PYCR3: variants seen among roughly 807,000 people sequenced by gnomAD.
The protein encoded by PYCR3 is pyrroline-5-carboxylate reductase 3.
Under a neutral mutation model 23.4 loss-of-function variants are expected in PYCR3, and 26 were observed. That is an observed-to-expected ratio of 1.11 (90% CI 0.81 to 1.54). The LOEUF (loss-of-function observed/expected upper bound fraction) is 1.54. Among genes scored for constraint, PYCR3 ranks in the 40% most tolerant of loss-of-function variants. The pLI is 0.00. For synonymous variants in PYCR3, 194 were observed against 162.6 expected (o/e 1.19, Z -1.47); for missense variants, 360 against 376.3 (o/e 0.96, Z 0.36).
At position 143,605,667 on chromosome 8, in the gene PYCR3, C is replaced by A; in HGVS notation, c.*33G>T. ...GAAGGGACACAGGGAGAGGCAGGGG[C>A]ACAGAGGCAGGAAAGGATGGCCAGA... On this transcript the variant is annotated 3_prime_UTR_variant, in exon 6 of 6. Transcript: ENST00000495276. 1 of 1,564,904 alleles carries A rather than the reference C, an allele frequency of 6.4e-7. No homozygotes were observed. The highest frequency in any genetic ancestry group is 8.7e-7 in the Non-Finnish European group (1 of 1,148,674).
At position 143,605,493 on chromosome 8, in the gene PYCR3, T is replaced by C; in HGVS notation, c.*207A>G. 2 of 573,868 alleles carry C rather than the reference T, an allele frequency of 3.5e-6. No individual in the cohort carries two copies. Among genetic ancestry groups the C allele is most frequent in the Non-Finnish European group, 6.2e-6 (2 of 322,766 alleles). 35.5% of individuals were successfully genotyped at this position (573,868 alleles called of 1,614,324 possible). A position where few individuals can be genotyped will look rare whatever the true frequency, so the allele number is the denominator to read the frequency against. On this transcript the variant is annotated 3_prime_UTR_variant, in exon 6 of 6. Coordinates refer to ENST00000495276, the MANE Select transcript of PYCR3 (RefSeq NM_023078.6). ...GAGCCACCACCACGGTGCCTTCTGC[T>C]CACTGGGGAGGGAGGAGTGTCCCCA...
In PYCR3 at chr8:143,604,855, G is replaced by C. The variant is rs890682297; in HGVS notation, c.*845C>G. ...GTGCCAGAGCTACGGGGTATTCCAG[G>C]ACCCCTGACCTAGGCACGGGGCAGG... is the stretch of plus-strand genomic sequence containing the variant. On this transcript the variant is annotated 3_prime_UTR_variant, in exon 6 of 6. Coordinates refer to ENST00000495276, the MANE Select transcript of PYCR3 (RefSeq NM_023078.6). 6.3e-6 allele frequency: 3 copies of C among 474,398 alleles called. No individual in the cohort carries two copies. The highest frequency in any genetic ancestry group is 5.9e-5 in the African/African-American group (3 of 50,930). The allele number at this position is 474,398 out of a possible 1,614,324, so 29.4% of individuals were successfully genotyped here.
rs1007430849 is a variant in PYCR3 at position 143,605,595 on chromosome 8, C to A, written c.*105G>T. On this transcript the variant is annotated 3_prime_UTR_variant, in exon 6 of 6. Coordinates refer to ENST00000495276, the MANE Select transcript of PYCR3 (RefSeq NM_023078.6). ...TTTCCCTGTGCAAGGGGAGAAGGAG[C>A]AGTAGGAGACCCTCATGCAGGAGGG... The A allele has an allele frequency of 5.8e-6, 6 of 1,035,416 alleles. No homozygotes were observed. Among genetic ancestry groups the A allele is most frequent in the Non-Finnish European group, 6.9e-6 (5 of 721,518 alleles). 64.1% of individuals were successfully genotyped at this position (1,035,416 alleles called of 1,614,324 possible). A position where few individuals can be genotyped will look rare whatever the true frequency, so the allele number is the denominator to read the frequency against.
intron 2 of PYCR3, among the ~76,000 whole-genome samples, chr8:143,607,354 C>G (rs1237959248): frequency 6.6e-6 from 1 of 152,178 alleles, no homozygotes; most frequent in Non-Finnish European, 1.5e-5. Flanking sequence ...AGCCCTGAGC[C>G]CTCCATCCCC....
chr8:143,609,453 C>T lies in PYCR3; in HGVS notation c.91+5G>A, dbSNP rs1283056815. On this transcript the variant is annotated splice_donor_5th_base_variant and intron_variant, in intron 1 of 5. Coordinates refer to ENST00000495276, the MANE Select transcript of PYCR3 (RefSeq NM_023078.6). Reference sequence around the variant, plus strand: ...GACCGCAGGCCTAGCCCCGCGCCGCCCCACCTGCTCTGATGAGGCCCTGCG... The same window carrying T: ...GACCGCAGGCCTAGCCCCGCGCCGCTCCACCTGCTCTGATGAGGCCCTGCG... 6.7e-7 allele frequency: 1 copy of T among 1,498,518 alleles called. No homozygotes were observed. The highest frequency in any genetic ancestry group is 2.7e-5 in the East Asian group (1 of 36,372). The allele number at this position is 1,498,518 out of a possible 1,614,324, so 92.8% of individuals were successfully genotyped here.
chr8:143,608,055 T>G lies in PYCR3; in HGVS notation c.156+7A>C, dbSNP rs761255293. On this transcript the variant is annotated splice_region_variant and intron_variant, in intron 2 of 5. Coordinates refer to ENST00000495276, the MANE Select transcript of PYCR3 (RefSeq NM_023078.6). ...GAGGGTATGAAGAACCTGGGCTCTA[T>G]GCTCACTTGAAAGTGACATAGGTTC... is the stretch of plus-strand genomic sequence containing the variant. 1 of 1,610,126 alleles carries G rather than the reference T, an allele frequency of 6.2e-7. No homozygotes were observed.
At chr8:143,609,396 A>G in intron 1 of PYCR3, 62 bp downstream of exon 1, 1 of 1,406,776 alleles carries the variant, frequency 7.1e-7, no homozygotes, top group Non-Finnish European at 9.2e-7. Context: ...CTCTCGCGGC[A>G]GGACACCTCC....
chr8:143,604,511 G>A lies in PYCR3; in HGVS notation c.*1189C>T, dbSNP rs546022699. On this transcript the variant is annotated 3_prime_UTR_variant, in exon 6 of 6. Coordinates refer to ENST00000495276, the MANE Select transcript of PYCR3 (RefSeq NM_023078.6). The stretch of plus-strand genomic sequence containing the variant: ...CACTGGTGGATTGATCTGCTCAGGC[G>A]CACAGGGAGATGGCACAGCAGGACC... 1.8e-5 allele frequency: 5 copies of A among 283,556 alleles called. No homozygotes were observed. The highest frequency in any genetic ancestry group is 1.2e-4 in the East Asian group (1 of 8,122). 17.6% of individuals were successfully genotyped at this position (283,556 alleles called of 1,614,324 possible).
At chr8:143,605,960 C>T (rs1375129662) in intron 5 of PYCR3, 78 bp from the exon 6 acceptor site, 7 of 1,561,990 alleles carry the variant, frequency 4.5e-6, no homozygotes, top group Non-Finnish European at 6.1e-6. Context: ...GTTGCATCCC[C>T]CAACCTTGGC....
At chr8:143,607,539 T>C (rs1278485146) in intron 2 of PYCR3, among the ~76,000 whole-genome samples, 1 of 151,590 alleles carries the variant, frequency 6.6e-6, no homozygotes, top group Admixed American at 6.6e-5. Flanking sequence ...CACTCGAGCA[T>C]GCACTCATGT....
chr8:143,605,371 C>T lies in PYCR3; in HGVS notation c.*329G>A. 4.9e-6 allele frequency: 2 copies of T among 407,570 alleles called. No individual in the cohort carries two copies. The highest frequency in any genetic ancestry group is 9.0e-6 in the Non-Finnish European group (2 of 223,124). The allele number at this position is 407,570 out of a possible 1,614,324, so 25.2% of individuals were successfully genotyped here. ...CGTAAGTTCTGTTCATGGCCTCAACCAACTGCCCAACCATGCGGGCAAATG... is the reference window on the plus strand; with the variant it reads ...CGTAAGTTCTGTTCATGGCCTCAACTAACTGCCCAACCATGCGGGCAAATG... On this transcript the variant is annotated 3_prime_UTR_variant, in exon 6 of 6. Coordinates refer to ENST00000495276, the MANE Select transcript of PYCR3 (RefSeq NM_023078.6).
chr8:143,607,059 T>C lies in PYCR3; in HGVS notation c.230A>G (p.Lys77Arg). The part of the protein sequence containing the change: ...QSCLLVIFAT[K>R]PHVLPAVLAE... ...CAGGACAGCTGGCAGCACATGAGGCTTGGTGGCAAAGATGACGAGCAGGCA... is the reference window on the plus strand; with the variant it reads ...CAGGACAGCTGGCAGCACATGAGGCCTGGTGGCAAAGATGACGAGCAGGCA... Residue 77 changes from lysine (K) to arginine (R), a missense_variant, in exon 3 of 6, where the codon AAG becomes AGG. By Grantham distance (26) the Lys-to-Arg change is conservative. Coordinates refer to ENST00000495276, the MANE Select transcript of PYCR3 (RefSeq NM_023078.6). 1 of 1,613,094 alleles carries C rather than the reference T, an allele frequency of 6.2e-7. No individual in the cohort carries two copies. Among genetic ancestry groups the C allele is most frequent in the South Asian group, 1.1e-5 (1 of 91,072 alleles).
intron 1 of PYCR3, among the ~76,000 whole-genome samples, chr8:143,609,035 A>G (rs1167724572): frequency 1.3e-5 from 2 of 152,202 alleles, no homozygotes; most frequent in African/African-American, 4.8e-5. Context: ...CCCCCCACCC[A>G]GGGGACATTC....
In PYCR3 at chr8:143,605,620, G is replaced by A. The variant is rs1829371118; in HGVS notation, c.*80C>T. 1 of 1,289,548 alleles carries A rather than the reference G, an allele frequency of 7.8e-7. No individual in the cohort carries two copies. The highest frequency in any genetic ancestry group is 1.1e-6 in the Non-Finnish European group (1 of 933,910). 79.9% of individuals were successfully genotyped at this position (1,289,548 alleles called of 1,614,324 possible). A position where few individuals can be genotyped will look rare whatever the true frequency, so the allele number is the denominator to read the frequency against. ...CAGTAGGAGACCCTCATGCAGGAGGGAGGGAGCCGCAGTCCTCAGGGGAAG... is the reference window on the plus strand; with the variant it reads ...CAGTAGGAGACCCTCATGCAGGAGGAAGGGAGCCGCAGTCCTCAGGGGAAG... On this transcript the variant is annotated 3_prime_UTR_variant, in exon 6 of 6. Coordinates refer to ENST00000495276, the MANE Select transcript of PYCR3 (RefSeq NM_023078.6).
rs1467504808 is a variant in PYCR3 at position 143,605,124 on chromosome 8, C to T, written c.*576G>A. Reference sequence around the variant, plus strand: ...ACGCCCACCACAGCCACCCTCTTCTCCAGGCTGCAGGGCAGGCTCCAGCTC... The same window carrying T: ...ACGCCCACCACAGCCACCCTCTTCTTCAGGCTGCAGGGCAGGCTCCAGCTC... On this transcript the variant is annotated 3_prime_UTR_variant, in exon 6 of 6. Transcript: ENST00000495276. 8.3e-6 allele frequency: 3 copies of T among 359,610 alleles called. No individual in the cohort carries two copies. The highest frequency in any genetic ancestry group is 1.6e-5 in the Non-Finnish European group (3 of 182,790). The allele number at this position is 359,610 out of a possible 1,614,324, so 22.3% of individuals were successfully genotyped here.
rs1028265936 is a variant in PYCR3 at position 143,605,586 on chromosome 8, G to A, written c.*114C>T. 2 of 992,870 alleles carry A rather than the reference G, an allele frequency of 2.0e-6. No homozygotes were observed. Among genetic ancestry groups the A allele is most frequent in the East Asian group, 2.6e-5 (1 of 37,852 alleles). 61.5% of individuals were successfully genotyped at this position (992,870 alleles called of 1,614,324 possible). On this transcript the variant is annotated 3_prime_UTR_variant, in exon 6 of 6. Transcript: ENST00000495276. ...CCCCCTGCATTTCCCTGTGCAAGGGGAGAAGGAGCAGTAGGAGACCCTCAT... is the reference window on the plus strand; with the variant it reads ...CCCCCTGCATTTCCCTGTGCAAGGGAAGAAGGAGCAGTAGGAGACCCTCAT...
intron 1 of PYCR3, 109 bp from the exon 2 acceptor site, chr8:143,608,235 C>A (rs1829455910): frequency 3.7e-6 from 3 of 815,132 alleles, no homozygotes; most frequent in Middle Eastern, 3.5e-4. Context: ...CCTGGCCCAT[C>A]CTGGGCCCCC....
Position 143,604,878 on chromosome 8 carries a change from A to T in PYCR3, c.*822T>A, listed in dbSNP as rs778318497. On this transcript the variant is annotated 3_prime_UTR_variant, in exon 6 of 6. Transcript: ENST00000495276. ...AGGACCCCTGACCTAGGCACGGGGCAGGAGGGCCCAGAGCCACCTGGCCAC... is the reference window on the plus strand; with the variant it reads ...AGGACCCCTGACCTAGGCACGGGGCTGGAGGGCCCAGAGCCACCTGGCCAC... The T allele has an allele frequency of 2.0e-6, 1 of 498,896 alleles. No homozygotes were observed. Among genetic ancestry groups the T allele is most frequent in the South Asian group, 1.5e-5 (1 of 68,146 alleles). 30.9% of individuals were successfully genotyped at this position (498,896 alleles called of 1,614,324 possible). A position where few individuals can be genotyped will look rare whatever the true frequency, so the allele number is the denominator to read the frequency against.
At chr8:143,609,226 G>A (rs2131403063) in intron 1 of PYCR3, among the ~76,000 whole-genome samples, 1 of 152,396 alleles carries the variant, frequency 6.6e-6, no homozygotes, top group South Asian at 2.1e-4. Flanking sequence ...GCCTGGCCAA[G>A]GCCACGCGGC....
Sources: allele counts gnomAD v4.1 joint callset (sites outside exome capture counted in the v4.1 genomes callset), GRCh38; gene constraint gnomAD v4.1.1; transcripts MANE v1.5; gene names NCBI Gene and HGNC (gene_info 2026-07-23, HGNC 2026-07-21).